The following SPON1 variants were observed in gnomAD, a reference collection of about 807,000 sequenced individuals.
The protein encoded by SPON1 is spondin 1, also known as spondin-1.
In SPON1, 52 loss-of-function variants were observed where a neutral mutation model predicts 111.7. The observed-to-expected ratio is 0.47, with a 90% CI of 0.37 to 0.59. The LOEUF is 0.59. SPON1 is among the 20% of genes least tolerant of loss of function. SPON1 has a pLI of 0.00. For synonymous variants in SPON1, 410 were observed against 395.8 expected, an observed-to-expected ratio of 1.04 and a Z score of -0.43; for missense variants, 957 against 1,068.5, an observed-to-expected ratio of 0.90 and a Z score of 1.46.
chr11:13,972,895 G>T (rs781819110), intron 1 of SPON1, among the ~76,000 whole-genome samples: 15 of 152,144 alleles, frequency 9.9e-5, no homozygotes, highest in Admixed American at 2.0e-4. Flanking sequence ...GGTGGCTCTT[G>T]CTTCAGGCAT....
At chr11:14,229,702 T>C (rs1554938448) in intron 6 of SPON1, among the ~76,000 whole-genome samples, 3 of 152,124 alleles carry the variant, frequency 2.0e-5, no homozygotes, top group African/African-American at 7.2e-5. Flanking sequence ...TTAACATGTG[T>C]TTTACAGACA....
At chr11:14,039,702 G>T (rs1429011707) in intron 2 of SPON1, among the ~76,000 whole-genome samples, 1 of 152,120 alleles carries the variant, frequency 6.6e-6, no homozygotes, top group Non-Finnish European at 1.5e-5. Context: ...TCATAAAAGT[G>T]CAAGCCATAG....
chr11:14,217,907 C>T (rs2098624432), intron 6 of SPON1, among the ~76,000 whole-genome samples: 2 of 152,168 alleles, frequency 1.3e-5, no homozygotes, highest in Admixed American at 6.5e-5. Context: ...GTCAATGGTT[C>T]TCCCTTGGGG....
chr11:13,993,823 G>A (rs1848250403), intron 2 of SPON1, among the ~76,000 whole-genome samples: 1 of 152,180 alleles, frequency 6.6e-6, no homozygotes, highest in Non-Finnish European at 1.5e-5. Context: ...AGAATTTTAA[G>A]CACAGCATTT....
intron 5 of SPON1, among the ~76,000 whole-genome samples, chr11:14,104,471 A>G (rs782239901): frequency 4.6e-5 from 7 of 152,054 alleles, no homozygotes; most frequent in Non-Finnish European, 1.0e-4. Context: ...ATAAACCACA[A>G]AGATTTCATT....
rs782501793 is a variant in SPON1, at chr11:14,041,567, C to T, written c.392C>T (p.Ala131Val). ...ETQFMSNCPVAVTESTPRRRT... is the reference protein window; with the variant it reads ...ETQFMSNCPVVVTESTPRRRT... ...CAGTTTATGAGCAATTGCCCTGTTG[C>T]AGTCACTGAAAGCACTCCACGGAGG... is the stretch of plus-strand genomic sequence containing the variant. Residue 131 changes from alanine to valine, a missense_variant, in exon 3 of 16, where the codon GCA (alanine) becomes GTA (valine). Ala to Val is a moderately conservative substitution (Grantham distance 64). Around this residue, in one of 5 missense-constraint regions of SPON1, gnomAD observed 262 missense variants for 253.9 expected, o/e 1.03. Coordinates refer to ENST00000576479, the MANE Select transcript of SPON1 (RefSeq NM_006108.4). The T allele has an allele frequency of 6.2e-7, 1 of 1,613,830 alleles. No homozygotes were observed. Among genetic ancestry groups the T allele is most frequent in the Non-Finnish European group, 8.5e-7 (1 of 1,179,870 alleles).
At chr11:14,246,996 A>C (rs1009455871) in intron 7 of SPON1, among the ~76,000 whole-genome samples, 4 of 152,336 alleles carry the variant, frequency 2.6e-5, no homozygotes, top group Non-Finnish European at 4.4e-5. Flanking sequence ...GAGGGAGTAG[A>C]GTATGTCTAA....
At position 14,183,417 on chromosome 11, in the gene SPON1, C is replaced by T. The variant is rs1366354793; in HGVS notation, c.825+47849C>T. Among the ~76,000 whole-genome samples, 3 of 152,348 alleles carry T rather than the reference C, an allele frequency of 2.0e-5. No homozygotes were observed. The East Asian group carries it at 5.8e-4, about 29-fold the overall frequency. ...AGACCCTTTACCACACAAAATCTCA[C>T]TTGAACCGTAAGTATTGCTAGCAGA... On this transcript the variant is annotated intron_variant, in intron 6 of 15. Transcript: ENST00000576479.
intron 2 of SPON1, among the ~76,000 whole-genome samples, chr11:13,992,032 G>A (rs1040008910): frequency 2.0e-5 from 3 of 152,162 alleles, no homozygotes; most frequent in Non-Finnish European, 4.4e-5. Context: ...CAGAATACAC[G>A]GGGGTCAGGG....
At chr11:14,176,737 G>A (rs1196856987) in intron 6 of SPON1, among the ~76,000 whole-genome samples, 4 of 152,152 alleles carry the variant, frequency 2.6e-5, no homozygotes, top group African/African-American at 9.7e-5. Context: ...GAGAGTACCA[G>A]AGTCAGTCCC....
chr11:14,249,399 C>T (rs1258759725), intron 7 of SPON1, among the ~76,000 whole-genome samples: 2 of 152,176 alleles, frequency 1.3e-5, no homozygotes, highest in Non-Finnish European at 2.9e-5. Context: ...GTCTAAGCAT[C>T]CAGATGGACC....
At chr11:13,981,079 A>T (rs1848140363) in intron 1 of SPON1, among the ~76,000 whole-genome samples, 1 of 152,226 alleles carries the variant, frequency 6.6e-6, no homozygotes, top group Non-Finnish European at 1.5e-5. Flanking sequence ...ATTTAAAGAA[A>T]CTTGAATTGA....
At chr11:14,184,201 T>A (rs1449970234) in intron 6 of SPON1, among the ~76,000 whole-genome samples, 1 of 152,204 alleles carries the variant, frequency 6.6e-6, no homozygotes, top group Non-Finnish European at 1.5e-5. Context: ...TCCTTTTTCA[T>A]TGATCTATTA....
intron 5 of SPON1, among the ~76,000 whole-genome samples, chr11:14,115,044 C>G (rs1179727247): frequency 6.6e-6 from 1 of 152,206 alleles, no homozygotes; most frequent in African/African-American, 2.4e-5. Flanking sequence ...GACCTCTGAT[C>G]TGTAAAATGT....
At chr11:14,252,721 C>T (rs1849066097) in intron 7 of SPON1, among the ~76,000 whole-genome samples, 1 of 152,184 alleles carries the variant, frequency 6.6e-6, no homozygotes, top group South Asian at 2.1e-4. Context: ...GGGAATCCAG[C>T]GCTATGTATC....
intron 1 of SPON1, among the ~76,000 whole-genome samples, chr11:13,965,832 G>T (rs569329947): frequency 1.3e-5 from 2 of 152,156 alleles, no homozygotes; most frequent in Non-Finnish European, 2.9e-5. Flanking sequence ...TCTGCTCATT[G>T]TCCTGACTTA....
At chr11:14,037,386 G>A (rs1207694660) in intron 2 of SPON1, among the ~76,000 whole-genome samples, 9 of 152,084 alleles carry the variant, frequency 5.9e-5, no homozygotes, top group Admixed American at 5.9e-4. Flanking sequence ...GTCTAACAGA[G>A]CAATGGAGTA....
At chr11:14,199,832 C>T (rs1277875226) in intron 6 of SPON1, among the ~76,000 whole-genome samples, 1 of 152,222 alleles carries the variant, frequency 6.6e-6, no homozygotes, top group African/African-American at 2.4e-5. Context: ...GGAACCCCTG[C>T]CTTAGAGCAT....
chr11:14,130,535 T>G (rs1354368686), intron 5 of SPON1, among the ~76,000 whole-genome samples: 1 of 152,080 alleles, frequency 6.6e-6, no homozygotes, highest in Non-Finnish European at 1.5e-5. Flanking sequence ...TTGAAATTGA[T>G]GAGATATGAG....
Sources: allele counts gnomAD v4.1 joint callset (sites outside exome capture counted in the v4.1 genomes callset), GRCh38; gene constraint gnomAD v4.1.1; regional missense constraint gnomAD v4.1.1; transcripts MANE v1.5; gene names NCBI Gene and HGNC (gene_info 2026-07-23, HGNC 2026-07-21).